The following FBXO7 variants were observed in gnomAD, a reference collection of about 807,000 sequenced individuals.
The protein encoded by FBXO7 is F-box only protein 7.
In FBXO7, 31 loss-of-function variants were observed where a neutral mutation model predicts 50.2. That is an observed-to-expected ratio of 0.62 (90% CI 0.46 to 0.83). FBXO7 has a LOEUF of 0.83. FBXO7 is among the 40% of genes least tolerant of loss of function. The pLI is 0.00. For synonymous variants in FBXO7, 256 were observed against 253.1 expected, an observed-to-expected ratio of 1.01 and a Z score of -0.11; for missense variants, 667 against 646.6, an observed-to-expected ratio of 1.03 and a Z score of -0.34.
chr22:32,495,368 G>GTT (rs752933430), intron 7 of FBXO7, 125 bp from the exon 8 acceptor site: 14,860 of 495,414 alleles, frequency 0.03, 12 homozygotes, highest in Non-Finnish European at 0.037. Flanking sequence ...TAAATGGTTA[G>GTT]TTTTTTTTTT....
At chr22:32,494,216 C>T (rs2146004363) in intron 7 of FBXO7, among the ~76,000 whole-genome samples, 1 of 150,098 alleles carries the variant, frequency 6.7e-6, no homozygotes, top group Admixed American at 6.6e-5. Flanking sequence ...CTGGTTTGTT[C>T]CTTTTCTTCT....
intron 2 of FBXO7, 99 bp downstream of exon 2, chr22:32,479,374 G>T: frequency 7.7e-6 from 8 of 1,035,718 alleles, no homozygotes; most frequent in Non-Finnish European, 1.2e-5. Context: ...ATCATCGATA[G>T]ATTGCACATT....
intron 7 of FBXO7, among the ~76,000 whole-genome samples, chr22:32,494,984 C>T (rs2057563150): frequency 6.6e-6 from 1 of 152,190 alleles, no homozygotes; most frequent in African/African-American, 2.4e-5. Context: ...GGTCATGCTT[C>T]TGATAGCCGA....
At chr22:32,497,838 A>G (rs542324890) in intron 8 of FBXO7, among the ~76,000 whole-genome samples, 2 of 152,360 alleles carry the variant, frequency 1.3e-5, no homozygotes, top group South Asian at 2.1e-4. Flanking sequence ...TCTATTAGCA[A>G]AAAGATTGCA....
chr22:32,495,531 G>A lies in FBXO7; in HGVS notation c.1182+1G>A. ...AGTTCAAGACACAGATTGGAAAGAA[G>A]TAGGTATTTTTAAATATTAAGACTA... On this transcript the variant is annotated splice_donor_variant, in intron 8 of 8. Transcript: ENST00000266087. LOFTEE classifies it high-confidence loss of function. 1 of 1,544,062 alleles carries A rather than the reference G, an allele frequency of 6.5e-7. No individual in the cohort carries two copies. Among genetic ancestry groups the A allele is most frequent in the East Asian group, 2.3e-5 (1 of 44,406 alleles).
At chr22:32,476,195 C>T (rs1000997220) in intron 1 of FBXO7, among the ~76,000 whole-genome samples, 3 of 151,688 alleles carry the variant, frequency 2.0e-5, no homozygotes, top group Non-Finnish European at 4.4e-5. Flanking sequence ...AGCCTGTTTT[C>T]TTCCTGATTA....
At chr22:32,478,542 A>G (rs1323452939) in intron 1 of FBXO7, among the ~76,000 whole-genome samples, 2 of 152,282 alleles carry the variant, frequency 1.3e-5, no homozygotes, top group African/African-American at 2.4e-5. Flanking sequence ...ATTCATTGAT[A>G]AATACTTTTG....
At chr22:32,475,610 C>G in intron 1 of FBXO7, 1 of 585,790 alleles carries the variant, frequency 1.7e-6, no homozygotes, top group East Asian at 3.4e-5. Context: ...AATCTGCCCT[C>G]AATCCGAGGC....
intron 8 of FBXO7, among the ~76,000 whole-genome samples, chr22:32,497,925 A>G (rs1252425506): frequency 6.6e-6 from 1 of 152,210 alleles, no homozygotes; most frequent in Non-Finnish European, 1.5e-5. Flanking sequence ...ATACAATGCT[A>G]TTGCACACTT....
In FBXO7 at chr22:32,498,697, A is replaced by C. The variant is rs1206057964; in HGVS notation, c.*167A>C. Reference sequence around the variant, plus strand: ...CATTTATAGCCCTAGGGGTGGTATGACCCAAAGGTTCCTCTGTGACAAGGT... The same window carrying C: ...CATTTATAGCCCTAGGGGTGGTATGCCCCAAAGGTTCCTCTGTGACAAGGT... On this transcript the variant is annotated 3_prime_UTR_variant, in exon 9 of 9. Transcript: ENST00000266087. 2 of 778,056 alleles carry C rather than the reference A, an allele frequency of 2.6e-6. No individual in the cohort carries two copies. Among genetic ancestry groups the C allele is most frequent in the African/African-American group, 1.7e-5 (1 of 57,440 alleles). The allele number at this position is 778,056 out of a possible 1,614,324, so 48.2% of individuals were successfully genotyped here.
chr22:32,489,859 CTG>C (rs1395994712), intron 5 of FBXO7: 4 of 152,208 alleles, frequency 2.6e-5, no homozygotes, highest in Admixed American at 2.0e-4. Flanking sequence ...TAACTAGGCA[CTG>C]TTATTTATCC....
chr22:32,488,728 A>G (rs1372173958), intron 5 of FBXO7: 1 of 152,236 alleles, frequency 6.6e-6, no homozygotes, highest in Non-Finnish European at 1.5e-5. Flanking sequence ...TATACTAACT[A>G]AAACTGACAG....
At chr22:32,491,592 TA>T (rs2057536724) in intron 6 of FBXO7, 1 of 146,122 alleles carries the variant, frequency 6.8e-6, no homozygotes, top group African/African-American at 2.6e-5. Flanking sequence ...TATATAGACA[TA>T]TATTTAGATA....
In FBXO7 at chr22:32,498,790, C is replaced by T. The variant is rs1270817982; in HGVS notation, c.*260C>T. ...TCTCCTCTAGATTGAAGTTTGTTTT[C>T]TGATGCTGTTCTTACCAGATTAAAA... On this transcript the variant is annotated 3_prime_UTR_variant, in exon 9 of 9. Coordinates refer to ENST00000266087, the MANE Select transcript of FBXO7 (RefSeq NM_012179.4). 2 of 543,254 alleles carry T rather than the reference C, an allele frequency of 3.7e-6. No individual in the cohort carries two copies. The highest frequency in any genetic ancestry group is 1.9e-5 in the African/African-American group (1 of 52,884). 33.7% of individuals were successfully genotyped at this position (543,254 alleles called of 1,614,324 possible).
intron 8 of FBXO7, 53 bp downstream of exon 8, chr22:32,495,583 G>T (rs1213446631): frequency 4.1e-6 from 4 of 985,072 alleles, no homozygotes; most frequent in African/African-American, 1.6e-5. Context: ...AATGACTAGT[G>T]AATTAATATA....
At chr22:32,496,906 A>G (rs900662429) in intron 8 of FBXO7, among the ~76,000 whole-genome samples, 12 of 152,256 alleles carry the variant, frequency 7.9e-5, no homozygotes, top group Admixed American at 5.2e-4. Flanking sequence ...TCTAGATGCC[A>G]TTAAGCATAC....
chr22:32,479,797 C>T (rs1228825504), intron 2 of FBXO7, among the ~76,000 whole-genome samples: 1 of 152,194 alleles, frequency 6.6e-6, no homozygotes, highest in Non-Finnish European at 1.5e-5. Context: ...GTTTTGTTCA[C>T]ATACTCTCCT....
chr22:32,486,749 T>C (rs2057501356), intron 4 of FBXO7, among the ~76,000 whole-genome samples: 1 of 152,208 alleles, frequency 6.6e-6, no homozygotes, highest in African/African-American at 2.4e-5. Flanking sequence ...CATGACTGTC[T>C]GATGACACTA....
intron 4 of FBXO7, 41 bp downstream of exon 4, chr22:32,485,250 C>T: frequency 1.2e-6 from 2 of 1,613,198 alleles, no homozygotes; most frequent in Non-Finnish European, 1.7e-6. Context: ...TTTATGGATT[C>T]TTAGACGTTT....
Sources: allele counts gnomAD v4.1 joint callset (sites outside exome capture counted in the v4.1 genomes callset), GRCh38; gene constraint gnomAD v4.1.1; transcripts MANE v1.5; gene names NCBI Gene and HGNC (gene_info 2026-07-23, HGNC 2026-07-21).